The following UNC13A variants were observed in gnomAD, a reference collection of about 807,000 sequenced individuals.
The protein encoded by UNC13A is protein unc-13 homolog A.
Under a neutral mutation model 219.7 loss-of-function variants are expected in UNC13A, and 61 were observed. The observed-to-expected ratio is 0.28, with a 90% CI of 0.23 to 0.34. UNC13A has a LOEUF of 0.34. UNC13A is among the 10% of genes least tolerant of loss of function. The pLI, the probability that UNC13A is intolerant of heterozygous loss-of-function variation, is 1.00. For synonymous variants in UNC13A, 920 were observed against 884.6 expected, an observed-to-expected ratio of 1.04 and a Z score of -0.71; for missense variants, 1,476 against 2,270.3, an observed-to-expected ratio of 0.65 and a Z score of 7.11.
At chr19:17,667,694 C>T (rs979456319) in intron 6 of UNC13A, among the ~76,000 whole-genome samples, 5 of 151,332 alleles carry the variant, frequency 3.3e-5, no homozygotes, top group East Asian at 3.9e-4. Flanking sequence ...AGGCTGGTCT[C>T]GAACTCCTGG....
intron 7 of UNC13A, among the ~76,000 whole-genome samples, chr19:17,664,958 G>A (rs148490744): frequency 9.0e-4 from 137 of 152,262 alleles, no homozygotes; most frequent in African/African-American, 3.2e-3. Context: ...CCAGCACTTT[G>A]GGAAGCTGAG....
intron 1 of UNC13A, among the ~76,000 whole-genome samples, chr19:17,680,383 G>A (rs2079983917): frequency 6.6e-6 from 1 of 152,184 alleles, no homozygotes; most frequent in South Asian, 2.1e-4. Flanking sequence ...TATTTATAGC[G>A]TGGGCGCGCG....
chr19:17,663,561 C>A lies in UNC13A; in HGVS notation c.530G>T (p.Trp177Leu), dbSNP rs748993706. The A allele has an allele frequency of 1.2e-6, 2 of 1,611,396 alleles. No individual in the cohort carries two copies. The highest frequency in any genetic ancestry group is 4.5e-5 in the East Asian group (2 of 44,840). The part of the protein sequence containing the change: ...LPVPSNQCCN[W>L]NYFGWGEQHN... ...CTGCTCACCCCAGCCAAAATAATTC[C>A]AGTTGCCTACAAAGAGAAGGGGCAG... The change falls in exon 8 of 44, where the codon TGG becomes TTG. Residue 177 changes from tryptophan (W) to leucine (L), a missense_variant. Around this residue, in one of 14 missense-constraint regions of UNC13A, gnomAD observed 203 missense variants for 301.6 expected, o/e 0.67. Transcript: ENST00000519716.
In UNC13A at chr19:17,639,042, G is replaced by C. The variant is rs1189601470; in HGVS notation, c.3081+41C>G. ...GGGCTGGGACTGAAGCCTGTGTCTA[G>C]TTGGCATCACTGTTCCCTTCTGACC... On this transcript the variant is annotated intron_variant, in intron 25 of 43. Transcript: ENST00000519716. 5.8e-6 allele frequency: 9 copies of C among 1,540,380 alleles called. No homozygotes were observed. The South Asian group carries it at 9.7e-5, about 17-fold the overall frequency.
intron 19 of UNC13A, among the ~76,000 whole-genome samples, chr19:17,643,415 G>T (rs1233406719): frequency 2.0e-5 from 3 of 152,026 alleles, no homozygotes; most frequent in Non-Finnish European, 4.4e-5. Context: ...CACCTCCTGA[G>T]TTCAAGCAAT....
intron 41 of UNC13A, among the ~76,000 whole-genome samples, chr19:17,614,676 G>T (rs2076642901): frequency 6.6e-6 from 1 of 152,148 alleles, no homozygotes; most frequent in Admixed American, 6.5e-5. Flanking sequence ...GTGACTGAGG[G>T]TTGGGGAGCA....
intron 38 of UNC13A, among the ~76,000 whole-genome samples, chr19:17,619,622 G>A (rs1394724120): frequency 6.6e-6 from 1 of 151,902 alleles, no homozygotes; most frequent in African/African-American, 2.4e-5. Context: ...TCATAGAGAT[G>A]GGGTCTTGTT....
chr19:17,637,219 C>A (rs1038233859), intron 25 of UNC13A, among the ~76,000 whole-genome samples: 4 of 152,052 alleles, frequency 2.6e-5, no homozygotes, highest in Admixed American at 1.3e-4. Context: ...AAGGGATCCT[C>A]CTGCCTCAGC....
chr19:17,655,185 G>A lies in UNC13A; in HGVS notation c.1392+89C>T, dbSNP rs567651300. 18 of 1,073,410 alleles carry A rather than the reference G, an allele frequency of 1.7e-5. No homozygotes were observed. In the African/African-American group the frequency reaches 1.9e-4, roughly 11 times the overall value. 66.5% of individuals were successfully genotyped at this position (1,073,410 alleles called of 1,614,324 possible). ...TGGGGTGTTGGGCGTGGCCAATATAGGTGTGGGTGTGGCCAAAACATGTGT... is the reference window on the plus strand; with the variant it reads ...TGGGGTGTTGGGCGTGGCCAATATAAGTGTGGGTGTGGCCAAAACATGTGT... On this transcript the variant is annotated intron_variant, in intron 11 of 43. Transcript: ENST00000519716.
rs2077027027 is a variant in UNC13A at position 17,646,392 on chromosome 19, T to C, written c.2045-281A>G. Among the ~76,000 whole-genome samples, 3 of 152,124 alleles carry C rather than the reference T, an allele frequency of 2.0e-5. No individual in the cohort carries two copies. The South Asian group carries it at 6.2e-4, about 32-fold the overall frequency. ...CCTCAGCCTCCCAAGTAGCTGGGAT[T>C]ACCCGCACGTGCCACCCCATCCGGC... is the stretch of plus-strand genomic sequence containing the variant. On this transcript the variant is annotated intron_variant, in intron 17 of 43. Coordinates refer to ENST00000519716, the MANE Select transcript of UNC13A (RefSeq NM_001080421.3).
intron 28 of UNC13A, 26 bp from the exon 29 acceptor site, chr19:17,630,776 T>C (rs1029950960): frequency 6.2e-7 from 1 of 1,604,826 alleles, no homozygotes. Context: ...GGGGTGGGGC[T>C]CTGCCACCTC....
chr19:17,615,007 C>T (rs1168470568), intron 41 of UNC13A, among the ~76,000 whole-genome samples: 1 of 152,064 alleles, frequency 6.6e-6, no homozygotes, highest in Non-Finnish European at 1.5e-5. Flanking sequence ...TTGCTGGCTT[C>T]GCGGGGAAGG....
chr19:17,608,944 C>A (rs894841777), intron 43 of UNC13A, among the ~76,000 whole-genome samples: 2 of 150,326 alleles, frequency 1.3e-5, no homozygotes, highest in Admixed American at 6.6e-5. Context: ...AGCCACCATG[C>A]TCGGCCAGAG....
rs760574090 is a variant in UNC13A, at chr19:17,645,765, C to T, written c.2265G>A (p.Gln755=). 6.2e-7 allele frequency: 1 copy of T among 1,614,158 alleles called. No homozygotes were observed. Among genetic ancestry groups the T allele is most frequent in the Non-Finnish European group, 8.5e-7 (1 of 1,179,986 alleles). Residue 755 remains glutamine (Q), a synonymous_variant, in exon 19 of 44, where the codon CAG becomes CAA. Transcript: ENST00000519716. ...AATCGTCAGATTCCCTCTTGAACCTCTGTTTCACGCGGGATTTGATGTCGT... is the reference window on the plus strand; with the variant it reads ...AATCGTCAGATTCCCTCTTGAACCTTTGTTTCACGCGGGATTTGATGTCGT... The part of the protein sequence containing the change: ...EDDDIKSRVK[Q]RFKRESDDFL...
At chr19:17,621,766 A>T (rs2057956312) in intron 37 of UNC13A, 66 bp downstream of exon 37, 2 of 1,561,850 alleles carry the variant, frequency 1.3e-6, no homozygotes, top group African/African-American at 2.7e-5. Flanking sequence ...GCACAGACGC[A>T]CACACATGCA....
At chr19:17,670,942 A>ATAAAATTAAAT (rs1555698001) in intron 4 of UNC13A, among the ~76,000 whole-genome samples, 8 of 151,040 alleles carry the variant, frequency 5.3e-5, no homozygotes, top group Non-Finnish European at 1.0e-4. Context: ...ATAAAATAAA[A>ATAAAATTAAAT]TAAAATAAAA....
At chr19:17,630,425 TA>T in intron 29 of UNC13A, 137 bp from the exon 30 acceptor site, 1 of 1,409,390 alleles carries the variant, frequency 7.1e-7, no homozygotes. Flanking sequence ...GAGGTAGACT[TA>T]GAGTCAACTC....
At chr19:17,679,211 G>A (rs1027392391) in intron 1 of UNC13A, among the ~76,000 whole-genome samples, 1 of 151,840 alleles carries the variant, frequency 6.6e-6, no homozygotes, top group Non-Finnish European at 1.5e-5. Flanking sequence ...ACCAGCCTGG[G>A]CAACATGGTA....
chr19:17,666,255 C>G (rs2079645982), intron 7 of UNC13A, among the ~76,000 whole-genome samples: 1 of 147,472 alleles, frequency 6.8e-6, no homozygotes, highest in Non-Finnish European at 1.5e-5. Context: ...CTCTGTCACC[C>G]AGGCTGGAGT....
Sources: allele counts gnomAD v4.1 joint callset (sites outside exome capture counted in the v4.1 genomes callset), GRCh38; gene constraint gnomAD v4.1.1; regional missense constraint gnomAD v4.1.1; transcripts MANE v1.5; gene names NCBI Gene and HGNC (gene_info 2026-07-23, HGNC 2026-07-21).